CYSLTR2: variants seen among roughly 807,000 people sequenced by gnomAD.
CYSLTR2 encodes the protein G-protein coupled receptor GPCR21.
For missense variants in CYSLTR2, 398 were observed against 411.9 expected, an observed-to-expected ratio of 0.97 and a Z score of 0.29; for synonymous variants, 179 against 160.8, an observed-to-expected ratio of 1.11 and a Z score of -0.86.
chr13:48,684,965 G>A (rs1479368004), intron 1 of CYSLTR2, among the ~76,000 whole-genome samples: 1 of 152,220 alleles, frequency 6.6e-6, no homozygotes, highest in Non-Finnish European at 1.5e-5. Flanking sequence ...GTAAATACCT[G>A]AAGCTAGAAG....
At chr13:48,655,339 C>T (rs1025958701) in intron 1 of CYSLTR2, among the ~76,000 whole-genome samples, 1 of 152,154 alleles carries the variant, frequency 6.6e-6, no homozygotes, top group East Asian at 1.9e-4. Flanking sequence ...CAGCGAAGAT[C>T]GATGGGATTG....
At chr13:48,662,093 A>G (rs1953143907) in intron 1 of CYSLTR2, among the ~76,000 whole-genome samples, 1 of 152,168 alleles carries the variant, frequency 6.6e-6, no homozygotes, top group African/African-American at 2.4e-5. Context: ...GTGAGAACAT[A>G]TGGTGTTTGA....
At chr13:48,658,530 A>ACAGT (rs983209038) in intron 1 of CYSLTR2, among the ~76,000 whole-genome samples, 2 of 152,166 alleles carry the variant, frequency 1.3e-5, no homozygotes, top group African/African-American at 4.8e-5. Context: ...CCATGGGCAA[A>ACAGT]CAGTCTGGTG....
rs534520299 is a variant in CYSLTR2, at chr13:48,675,697, GC to G, written c.-265-15514del. On this transcript the variant is annotated intron_variant, in intron 1 of 4. Transcript: ENST00000682523. Reference sequence around the variant, plus strand: ...GCATTCCAGGCTCCACCGAGGCATAGCAAAAAACTCCTGCAGCTAGCTCAGT... The same window carrying G: ...GCATTCCAGGCTCCACCGAGGCATAGAAAAAACTCCTGCAGCTAGCTCAGT... Among the ~76,000 whole-genome samples, 754 of 152,222 alleles carry G rather than the reference GC, an allele frequency of 5.0e-3. 3 individuals carry two copies. The highest frequency in any genetic ancestry group is 0.014 in the Middle Eastern group (4 of 294).
intron 1 of CYSLTR2, among the ~76,000 whole-genome samples, chr13:48,685,264 T>A (rs1243156449): frequency 1.6e-5 from 1 of 62,504 alleles, no homozygotes; most frequent in Non-Finnish European, 4.9e-5. Context: ...TTTTAAACAC[T>A]CACGAGAACT....
At chr13:48,679,707 G>C (rs901004914) in intron 1 of CYSLTR2, among the ~76,000 whole-genome samples, 1 of 152,154 alleles carries the variant, frequency 6.6e-6, no homozygotes, top group South Asian at 2.1e-4. Context: ...ACTCACTGTT[G>C]CTGCCCCTTG....
chr13:48,699,926 G>A (rs1360482814), intron 4 of CYSLTR2, among the ~76,000 whole-genome samples: 1 of 152,110 alleles, frequency 6.6e-6, no homozygotes, highest in African/African-American at 2.4e-5. Flanking sequence ...TAGAAGAAAT[G>A]GATAAATTCC....
At chr13:48,665,382 T>C (rs1953235639) in intron 1 of CYSLTR2, among the ~76,000 whole-genome samples, 1 of 152,120 alleles carries the variant, frequency 6.6e-6, no homozygotes, top group East Asian at 1.9e-4. Context: ...GATTTCCTGA[T>C]TAGATGATCT....
intron 4 of CYSLTR2, among the ~76,000 whole-genome samples, chr13:48,696,922 A>G (rs1436492404): frequency 6.6e-6 from 1 of 152,140 alleles, no homozygotes; most frequent in Non-Finnish European, 1.5e-5. Context: ...CTAGCATAAC[A>G]GTCTGAGATT....
intron 1 of CYSLTR2, among the ~76,000 whole-genome samples, chr13:48,674,350 A>G (rs979668453): frequency 6.6e-6 from 1 of 151,990 alleles, no homozygotes; most frequent in African/African-American, 2.4e-5. Flanking sequence ...TCTTGTCTTC[A>G]TGCTTTATTT....
chr13:48,668,694 G>A lies in CYSLTR2; in HGVS notation c.-266+14677G>A, dbSNP rs147705944. ...ACATAGGTATATATGTGCCATGGTG[G>A]TTTGCTGCACCCATCAACCTGTCAT... On this transcript the variant is annotated intron_variant, in intron 1 of 4. Transcript: ENST00000682523. 4.9e-3 allele frequency among the ~76,000 whole-genome samples: 739 copies of A among 152,038 alleles called. 3 individuals are homozygous for A. The highest frequency in any genetic ancestry group is 0.014 in the Middle Eastern group (4 of 294).
intron 1 of CYSLTR2, among the ~76,000 whole-genome samples, chr13:48,657,658 A>C (rs1225080364): frequency 6.6e-6 from 1 of 151,862 alleles, no homozygotes; most frequent in Non-Finnish European, 1.5e-5. Context: ...TATAAATAAG[A>C]ATTTATTATA....
chr13:48,670,722 G>A (rs1444230899), intron 1 of CYSLTR2, among the ~76,000 whole-genome samples: 2 of 152,150 alleles, frequency 1.3e-5, no homozygotes, highest in South Asian at 2.1e-4. Flanking sequence ...TATGCCTCCA[G>A]CTTTGTTCTT....
intron 2 of CYSLTR2, among the ~76,000 whole-genome samples, chr13:48,692,519 T>G (rs1285500297): frequency 1.3e-5 from 2 of 151,578 alleles, no homozygotes; most frequent in Admixed American, 6.6e-5. Flanking sequence ...TTTTACATTT[T>G]AACTGTAGCT....
intron 3 of CYSLTR2, chr13:48,694,849 C>A (rs1954125934): frequency 6.6e-6 from 1 of 152,122 alleles, no homozygotes; most frequent in South Asian, 2.1e-4. Flanking sequence ...AAGTGAAAAC[C>A]TAAGTGTTTT....
At chr13:48,658,691 A>C (rs1953056624) in intron 1 of CYSLTR2, among the ~76,000 whole-genome samples, 1 of 152,202 alleles carries the variant, frequency 6.6e-6, no homozygotes, top group South Asian at 2.1e-4. Context: ...CTGGGTAAGC[A>C]ATAGCCAGGA....
chr13:48,691,042 C>T (rs909917587), intron 1 of CYSLTR2, among the ~76,000 whole-genome samples, 170 bp from the exon 2 acceptor site: 1 of 152,016 alleles, frequency 6.6e-6, no homozygotes, highest in Non-Finnish European at 1.5e-5. Flanking sequence ...TGTCAGCTTG[C>T]AGGTCTGGAT....
At chr13:48,659,698 T>G (rs1209286023) in intron 1 of CYSLTR2, among the ~76,000 whole-genome samples, 5 of 152,184 alleles carry the variant, frequency 3.3e-5, no homozygotes, top group Non-Finnish European at 2.9e-5. Context: ...AGGACAATGT[T>G]TCTATGATAA....
intron 4 of CYSLTR2, among the ~76,000 whole-genome samples, chr13:48,702,192 T>C (rs528361083): frequency 1.8e-3 from 257 of 139,874 alleles, no homozygotes; most frequent in African/African-American, 6.5e-3. Flanking sequence ...TTCTCACTCA[T>C]AGGTGGGAAT....
Sources: allele counts gnomAD v4.1 joint callset (sites outside exome capture counted in the v4.1 genomes callset), GRCh38; gene constraint gnomAD v4.1.1; transcripts MANE v1.5; gene names NCBI Gene and HGNC (gene_info 2026-07-23, HGNC 2026-07-21).